The following PAK5 variants were observed in gnomAD, a reference collection of about 807,000 sequenced individuals.
PAK5 encodes the protein serine/threonine-protein kinase PAK 5.
PAK5 carries 16 observed loss-of-function variants against 65.9 expected under a neutral mutation model. That is an observed-to-expected ratio of 0.24 (90% confidence interval 0.16 to 0.37). The LOEUF (loss-of-function observed/expected upper bound fraction) is 0.37. Ranked by LOEUF, PAK5 falls within the 10% of genes least tolerant of loss-of-function variation. The pLI is 1.00. For missense variants in PAK5, 785 were observed against 903.9 expected, an observed-to-expected ratio of 0.87 and a Z score of 1.69; for synonymous variants, 371 against 354.9, an observed-to-expected ratio of 1.05 and a Z score of -0.51.
intron 2 of PAK5, among the ~76,000 whole-genome samples, chr20:9,698,527 G>C (rs1158329091): frequency 3.3e-5 from 5 of 152,102 alleles, no homozygotes; most frequent in Non-Finnish European, 7.4e-5. Context: ...TTCATCTAAG[G>C]AATGTTTGCA....
chr20:9,622,157 A>G (rs2046778872), intron 3 of PAK5, among the ~76,000 whole-genome samples: 1 of 152,212 alleles, frequency 6.6e-6, no homozygotes, highest in Non-Finnish European at 1.5e-5. Context: ...ACGTGATTAT[A>G]TGTTAGATTT....
intron 3 of PAK5, among the ~76,000 whole-genome samples, chr20:9,618,927 T>G (rs1159534361): frequency 1.6e-3 from 165 of 103,210 alleles, no homozygotes; most frequent in African/African-American, 5.3e-3. Context: ...TTTTTTTTTT[T>G]TTTTTTTTTT....
intron 3 of PAK5, among the ~76,000 whole-genome samples, chr20:9,596,447 T>C (rs563329725): frequency 7.2e-5 from 11 of 151,956 alleles, no homozygotes; most frequent in Admixed American, 2.0e-4. Context: ...CCATCCTGGC[T>C]AACACAGTGA....
chr20:9,812,809 T>G (rs908541037), intron 1 of PAK5, among the ~76,000 whole-genome samples: 4 of 152,002 alleles, frequency 2.6e-5, no homozygotes, highest in Admixed American at 6.5e-5. Context: ...ACTAGAAGAG[T>G]GAAATTGGAA....
In PAK5 at chr20:9,641,580, G is replaced by C. The variant is rs565593199; in HGVS notation, c.204+2545C>G. Among the ~76,000 whole-genome samples, 60 of 151,968 alleles carry C rather than the reference G, an allele frequency of 3.9e-4. No individual in the cohort carries two copies. The South Asian group carries it at 6.9e-3, about 18-fold the overall frequency. ...GTGGAGCTGCCTGCCAGTCCTGTGC[G>C]GTGCGCTCACATTCCTCAGCCCTTG... On this transcript the variant is annotated intron_variant, in intron 3 of 9. Transcript: ENST00000353224.
chr20:9,706,357 T>C (rs1045115681), intron 2 of PAK5, among the ~76,000 whole-genome samples: 1 of 152,200 alleles, frequency 6.6e-6, no homozygotes, highest in Non-Finnish European at 1.5e-5. Context: ...CACAGTCACA[T>C]GCTGAAAAGT....
chr20:9,697,972 C>G (rs2047890996), intron 2 of PAK5, among the ~76,000 whole-genome samples: 1 of 152,022 alleles, frequency 6.6e-6, no homozygotes, highest in Admixed American at 6.6e-5. Flanking sequence ...GGCTAATTGA[C>G]ATTAGCCCAT....
chr20:9,582,958 A>C (rs967559861), intron 3 of PAK5, among the ~76,000 whole-genome samples: 3 of 151,948 alleles, frequency 2.0e-5, no homozygotes. Flanking sequence ...TTTTTTGAGC[A>C]CTTCCTTACT....
chr20:9,802,917 T>TTGTACTATTGTATATGTACACATAC (rs2049187836), intron 1 of PAK5, among the ~76,000 whole-genome samples: 1 of 125,238 alleles, frequency 8.0e-6, no homozygotes. Context: ...TGTGTATATA[T>TTGTACTATTGTATATGTACACATAC]ATATATATAT....
At chr20:9,767,168 G>A (rs2048778361) in intron 1 of PAK5, among the ~76,000 whole-genome samples, 1 of 152,152 alleles carries the variant, frequency 6.6e-6, no homozygotes. Context: ...CAGGCCACAT[G>A]CAGTTATGTC....
intron 2 of PAK5, among the ~76,000 whole-genome samples, chr20:9,676,290 C>G (rs190098036): frequency 6.6e-6 from 1 of 151,870 alleles, no homozygotes; most frequent in East Asian, 1.9e-4. Context: ...GGTGAGGACA[C>G]AGCCAAACCA....
chr20:9,542,530 GAT>G lies in PAK5; in HGVS notation c.2004+54_2004+55del, dbSNP rs1359997284. ...GTAAGCCAGTCTTAAAAACCAGAGA[GAT>G]ACAGGAAAATCCAAAAACTATTCTG... is the stretch of plus-strand genomic sequence containing the variant. On this transcript the variant is annotated intron_variant, in intron 9 of 9. Transcript: ENST00000353224. 3 of 1,582,744 alleles carry G rather than the reference GAT, an allele frequency of 1.9e-6. No individual in the cohort carries two copies. In the East Asian group the frequency reaches 6.7e-5, roughly 35 times the overall value.
intron 2 of PAK5, among the ~76,000 whole-genome samples, chr20:9,669,771 A>T (rs2206479): frequency 0.051 from 7,748 of 151,980 alleles, 222 homozygotes; most frequent in South Asian, 0.083. Flanking sequence ...TTTGATTTTT[A>T]AAATTTTATT....
chr20:9,627,624 C>CATTTT (rs1555906875), intron 3 of PAK5, among the ~76,000 whole-genome samples: 2 of 152,054 alleles, frequency 1.3e-5, no homozygotes, highest in Non-Finnish European at 2.9e-5. Flanking sequence ...TTTTTCTTTT[C>CATTTT]CTTTTCTTTT....
intron 1 of PAK5, among the ~76,000 whole-genome samples, chr20:9,817,047 T>C (rs571590083): frequency 3.8e-4 from 58 of 152,180 alleles, no homozygotes; most frequent in African/African-American, 1.4e-3. Context: ...CAAGGAAGGC[T>C]GAGGCAGGAG....
intron 3 of PAK5, among the ~76,000 whole-genome samples, chr20:9,637,753 T>C (rs1353350575): frequency 6.6e-6 from 1 of 152,166 alleles, no homozygotes; most frequent in Non-Finnish European, 1.5e-5. Flanking sequence ...AACTCACATA[T>C]GCCGAATAAA....
intron 9 of PAK5, among the ~76,000 whole-genome samples, chr20:9,540,507 T>C (rs1434094185): frequency 1.3e-5 from 2 of 150,212 alleles, no homozygotes; most frequent in African/African-American, 2.5e-5. Context: ...TCACTCAGTG[T>C]TGTATCTGTG....
chr20:9,806,132 TTTTATTTA>T (rs34085540), intron 1 of PAK5, among the ~76,000 whole-genome samples: 4 of 145,976 alleles, frequency 2.7e-5, no homozygotes, highest in Non-Finnish European at 4.5e-5. Flanking sequence ...GCCCAGCTAA[TTTTATTTA>T]TTTATTTATT....
chr20:9,602,199 G>A (rs552126500), intron 3 of PAK5, among the ~76,000 whole-genome samples: 38 of 151,916 alleles, frequency 2.5e-4, no homozygotes, highest in Non-Finnish European at 5.3e-4. Context: ...GCTGAGGCAG[G>A]AGAATCACTT....
Sources: allele counts gnomAD v4.1 joint callset (sites outside exome capture counted in the v4.1 genomes callset), GRCh38; gene constraint gnomAD v4.1.1; transcripts MANE v1.5; gene names NCBI Gene and HGNC (gene_info 2026-07-23, HGNC 2026-07-21).